The following MRPS5 variants were observed in gnomAD, a reference collection of about 807,000 sequenced individuals.
MRPS5 encodes the protein small ribosomal subunit protein uS5m.
A neutral mutation model predicts 51.9 loss-of-function variants in MRPS5; 27 were observed. That is an observed-to-expected ratio of 0.52 (90% CI 0.38 to 0.72). The LOEUF (loss-of-function observed/expected upper bound fraction) is 0.72. Among genes scored for constraint, MRPS5 ranks in the 30% least tolerant of loss-of-function variants. The pLI, the probability that MRPS5 is intolerant of heterozygous loss-of-function variation, is 0.00. For synonymous variants in MRPS5, 196 were observed against 193.2 expected (o/e 1.01, Z -0.12); for missense variants, 570 against 545.7 (o/e 1.04, Z -0.44).
intron 7 of MRPS5, chr2:95,101,992 A>G (rs1675817549): frequency 3.0e-6 from 1 of 336,076 alleles, no homozygotes; most frequent in Non-Finnish European, 5.4e-6. Context: ...TGTCTCTATT[A>G]AGAACAAAAT....
chr2:95,104,642 G>T lies in MRPS5; in HGVS notation c.761C>A (p.Ala254Glu). 1 of 1,613,972 alleles carries T rather than the reference G, an allele frequency of 6.2e-7. No individual in the cohort carries two copies. ...LVAVGNGKGAAGFSIGKATDR... is the reference protein window; with the variant it reads ...LVAVGNGKGAEGFSIGKATDR... ...TGATGCCATCACTCCCCATTCACCT[G>T]CAGCTCCTTTTCCGTTCCCCACAGC... The change falls in exon 7 of 12, where the codon GCA becomes GAA. Residue 254 changes from alanine (A) to glutamate (E), a missense_variant and splice_region_variant. Coordinates refer to ENST00000272418, the MANE Select transcript of MRPS5 (RefSeq NM_031902.5).
chr2:95,117,396 T>A (rs150457292), intron 2 of MRPS5, among the ~76,000 whole-genome samples: 1 of 151,602 alleles, frequency 6.6e-6, no homozygotes, highest in South Asian at 2.1e-4. Context: ...AATGTAATGA[T>A]AGAATTCTAC....
chr2:95,100,421 T>C, intron 10 of MRPS5, 53 bp downstream of exon 10: 6 of 1,319,788 alleles, frequency 4.5e-6, no homozygotes, highest in Non-Finnish European at 6.5e-6. Context: ...AGGATAGAAC[T>C]GTTATAATTT....
At chr2:95,118,051 G>T in intron 1 of MRPS5, 106 bp from the exon 2 acceptor site, 1 of 794,566 alleles carries the variant, frequency 1.3e-6, no homozygotes, top group Non-Finnish European at 2.0e-6. Context: ...ACCAAGACGA[G>T]GGAGTAAGTA....
rs1675313509 is a variant in MRPS5, at chr2:95,087,122, T to C, written c.*235A>G. 1 of 437,634 alleles carries C rather than the reference T, an allele frequency of 2.3e-6. No individual in the cohort carries two copies. Among genetic ancestry groups the C allele is most frequent in the Admixed American group, 4.0e-5 (1 of 25,026 alleles). The allele number at this position is 437,634 out of a possible 1,614,324, so 27.1% of individuals were successfully genotyped here. A position where few individuals can be genotyped will look rare whatever the true frequency, so the allele number is the denominator to read the frequency against. On this transcript the variant is annotated 3_prime_UTR_variant, in exon 12 of 12. Transcript: ENST00000272418. ...TCCCTAATTCATTTACTTTTGTTACTTTGGATGAATATTTAAAGTAGTCTT... is the reference window on the plus strand; with the variant it reads ...TCCCTAATTCATTTACTTTTGTTACCTTGGATGAATATTTAAAGTAGTCTT...
intron 2 of MRPS5, among the ~76,000 whole-genome samples, chr2:95,116,969 C>G (rs1196183888): frequency 1.3e-5 from 2 of 152,058 alleles, no homozygotes; most frequent in African/African-American, 2.4e-5. Flanking sequence ...AGTGAAACCC[C>G]GTCTCTACTA....
At chr2:95,087,732 A>T in intron 11 of MRPS5, 151 bp from the exon 12 acceptor site, 1 of 673,956 alleles carries the variant, frequency 1.5e-6, no homozygotes, top group Non-Finnish European at 2.5e-6. Flanking sequence ...GCTAAACTCT[A>T]ATAACCTGTC....
At chr2:95,121,625 C>T (rs1160698037) in intron 1 of MRPS5, 109 bp downstream of exon 1, 6 of 1,264,360 alleles carry the variant, frequency 4.7e-6, no homozygotes, top group Non-Finnish European at 6.4e-6. Context: ...CGTGAAGAGC[C>T]GGGGGCCGCG....
intron 10 of MRPS5, among the ~76,000 whole-genome samples, chr2:95,096,682 C>T (rs966713308): frequency 3.9e-5 from 6 of 152,200 alleles, no homozygotes; most frequent in Admixed American, 1.3e-4. Context: ...ATTGATGGAA[C>T]GCATCTCAAA....
intron 4 of MRPS5, 36 bp from the exon 5 acceptor site, chr2:95,108,444 AAGTAC>A: frequency 6.5e-7 from 1 of 1,538,286 alleles, no homozygotes; most frequent in Non-Finnish European, 8.9e-7. Context: ...AATTTTGTTA[AAGTAC>A]TCATTTTTCA....
chr2:95,107,593 T>A (rs1246902474), intron 5 of MRPS5, among the ~76,000 whole-genome samples: 1 of 152,214 alleles, frequency 6.6e-6, no homozygotes, highest in Non-Finnish European at 1.5e-5. Flanking sequence ...TCCCTCCTCT[T>A]TAAGCCAAAC....
chr2:95,101,570 G>T (rs2104408512), intron 8 of MRPS5, 107 bp downstream of exon 8: 1 of 843,794 alleles, frequency 1.2e-6, no homozygotes, highest in East Asian at 2.8e-5. Context: ...CAAGCCTCAT[G>T]GGAAGGTTCT....
chr2:95,104,827 A>T (rs1215058974), intron 6 of MRPS5, 97 bp from the exon 7 acceptor site: 1 of 995,054 alleles, frequency 1.0e-6, no homozygotes, highest in African/African-American at 1.6e-5. Context: ...CACGGTGAAC[A>T]GGCACACACA....
At chr2:95,106,387 A>G in intron 6 of MRPS5, 36 bp downstream of exon 6, 1 of 798,232 alleles carries the variant, frequency 1.3e-6, no homozygotes, top group Non-Finnish European at 2.0e-6. Context: ...CAACCTCTCC[A>G]AAGGCTTAAC....
chr2:95,113,832 A>C (rs990991893), intron 3 of MRPS5, among the ~76,000 whole-genome samples: 2 of 152,018 alleles, frequency 1.3e-5, no homozygotes, highest in African/African-American at 4.8e-5. Context: ...ACATTAAAAA[A>C]AGCAGAAGGC....
At chr2:95,088,176 A>G (rs1279807983) in intron 11 of MRPS5, among the ~76,000 whole-genome samples, 2 of 152,194 alleles carry the variant, frequency 1.3e-5, no homozygotes, top group African/African-American at 2.4e-5. Flanking sequence ...GCTCATTTGT[A>G]TGAACATTGA....
chr2:95,112,587 T>C (rs184428969), intron 3 of MRPS5, among the ~76,000 whole-genome samples: 24 of 152,296 alleles, frequency 1.6e-4, no homozygotes, highest in Non-Finnish European at 3.4e-4. Flanking sequence ...TTCTATTTCT[T>C]GGAGATTCAG....
chr2:95,110,669 G>C (rs1676092487), intron 3 of MRPS5, among the ~76,000 whole-genome samples: 1 of 152,128 alleles, frequency 6.6e-6, no homozygotes. Context: ...AGGTGTGATG[G>C]CATGTGCCCA....
intron 3 of MRPS5, among the ~76,000 whole-genome samples, chr2:95,113,390 C>T (rs955260785): frequency 4.0e-5 from 6 of 151,554 alleles, no homozygotes; most frequent in South Asian, 4.2e-4. Context: ...GCAGGAGAAT[C>T]GCTTGAACCC....
Sources: allele counts gnomAD v4.1 joint callset (sites outside exome capture counted in the v4.1 genomes callset), GRCh38; gene constraint gnomAD v4.1.1; transcripts MANE v1.5; gene names NCBI Gene and HGNC (gene_info 2026-07-23, HGNC 2026-07-21).